The following LRFN2 variants were observed in gnomAD, a reference collection of about 807,000 sequenced individuals.
LRFN2 encodes leucine rich repeat and fibronectin type III domain containing 2.
LRFN2 carries 18 observed loss-of-function variants against 37.3 expected under a neutral mutation model. The ratio of observed to expected loss-of-function variants is 0.48; its 90% confidence interval spans 0.33 to 0.72. The LOEUF is 0.72. Ranked by LOEUF, LRFN2 falls within the 30% of genes least tolerant of loss-of-function variation. The probability of loss-of-function intolerance (pLI) is 0.02; values close to 1 mark genes in which losing one functional copy is unlikely to be tolerated. For missense variants in LRFN2, 1,006 were observed against 1,060.7 expected, an observed-to-expected ratio of 0.95 and a Z score of 0.72; for synonymous variants, 556 against 466.6, an observed-to-expected ratio of 1.19 and a Z score of -2.47.
intron 1 of LRFN2, among the ~76,000 whole-genome samples, chr6:40,518,772 A>G (rs888394835): frequency 6.6e-6 from 1 of 152,206 alleles, no homozygotes; most frequent in African/African-American, 2.4e-5. Flanking sequence ...ATGAAAATGA[A>G]CAGGACATGG....
intron 1 of LRFN2, among the ~76,000 whole-genome samples, chr6:40,506,285 C>G (rs564953059): frequency 1.3e-4 from 20 of 152,226 alleles, no homozygotes; most frequent in African/African-American, 4.8e-4. Context: ...AGAATAAAAA[C>G]CATCCGGGTG....
intron 1 of LRFN2, among the ~76,000 whole-genome samples, chr6:40,452,984 AAG>A (rs1764146618): frequency 6.6e-6 from 1 of 152,230 alleles, no homozygotes; most frequent in African/African-American, 2.4e-5. Context: ...TATGTAAAAT[AAG>A]AGTGACTCTT....
At chr6:40,491,699 T>C (rs1354417280) in intron 1 of LRFN2, among the ~76,000 whole-genome samples, 1 of 147,472 alleles carries the variant, frequency 6.8e-6, no homozygotes, top group Non-Finnish European at 1.5e-5. Flanking sequence ...TCTGAGTGTG[T>C]TTCCCTCACT....
intron 2 of LRFN2, among the ~76,000 whole-genome samples, chr6:40,408,226 G>A (rs1477285193): frequency 6.6e-6 from 1 of 152,134 alleles, no homozygotes; most frequent in East Asian, 1.9e-4. Context: ...AATGGTAAAT[G>A]TTATGTATAT....
chr6:40,584,310 T>C (rs1165909329), intron 1 of LRFN2, among the ~76,000 whole-genome samples: 1 of 152,206 alleles, frequency 6.6e-6, no homozygotes, highest in Admixed American at 6.5e-5. Flanking sequence ...GGGTACATGC[T>C]ATTATTTTAT....
chr6:40,435,050 T>TAGAG (rs1384410748), intron 1 of LRFN2, among the ~76,000 whole-genome samples: 174 of 60,020 alleles, frequency 2.9e-3, no homozygotes, highest in South Asian at 5.2e-3. Context: ...TATATATATA[T>TAGAG]ATAGAGAGAG....
intron 1 of LRFN2, among the ~76,000 whole-genome samples, chr6:40,536,133 G>C (rs1006300992): frequency 6.6e-6 from 1 of 152,142 alleles, no homozygotes; most frequent in African/African-American, 2.4e-5. Context: ...AAGGCTCAGA[G>C]GCTCCTGCCT....
intron 2 of LRFN2, among the ~76,000 whole-genome samples, chr6:40,396,294 G>A (rs2113792959): frequency 6.6e-6 from 1 of 152,284 alleles, no homozygotes; most frequent in African/African-American, 2.4e-5. Flanking sequence ...TGGCAGAGCT[G>A]GGATTTAAAT....
rs796598093 is a variant in LRFN2 at position 40,549,679 on chromosome 6, A to G, written c.-19+37262T>C. ...AGCAAAGATAGGTGGTGGGAACCACAGTGAAACATAAGATTGGGCTCACCA... is the reference window on the plus strand; with the variant it reads ...AGCAAAGATAGGTGGTGGGAACCACGGTGAAACATAAGATTGGGCTCACCA... On this transcript the variant is annotated intron_variant, in intron 1 of 2. Transcript: ENST00000338305. 4.7e-4 allele frequency among the ~76,000 whole-genome samples: 72 copies of G among 152,316 alleles called. 1 individual carries two copies. Among genetic ancestry groups the G allele is most frequent in the African/African-American group, 1.6e-3 (66 of 41,586 alleles).
intron 2 of LRFN2, among the ~76,000 whole-genome samples, chr6:40,422,175 A>AT (rs149059648): frequency 0.038 from 5,729 of 152,200 alleles, 373 homozygotes; most frequent in African/African-American, 0.13. Flanking sequence ...TAGAGAAAAG[A>AT]TTTTTTCTTC....
At chr6:40,458,166 A>T (rs2113848051) in intron 1 of LRFN2, among the ~76,000 whole-genome samples, 1 of 152,346 alleles carries the variant, frequency 6.6e-6, no homozygotes, top group Non-Finnish European at 1.5e-5. Context: ...TTTCTTTAAC[A>T]TGTGGAGAAA....
At chr6:40,529,561 A>T (rs1464003301) in intron 1 of LRFN2, among the ~76,000 whole-genome samples, 1 of 152,216 alleles carries the variant, frequency 6.6e-6, no homozygotes, top group Non-Finnish European at 1.5e-5. Flanking sequence ...GGGCATTCTA[A>T]ACCCAAAATA....
chr6:40,465,018 A>T (rs1186805988), intron 1 of LRFN2, among the ~76,000 whole-genome samples: 1 of 152,226 alleles, frequency 6.6e-6, no homozygotes, highest in Non-Finnish European at 1.5e-5. Context: ...TGTAAAGTAA[A>T]TATTATGCTG....
At chr6:40,517,363 G>A (rs577745884) in intron 1 of LRFN2, 171 of 152,330 alleles carry the variant, frequency 1.1e-3, no homozygotes, top group African/African-American at 3.9e-3. Context: ...CGTGCTGCAA[G>A]ACACAGAAGG....
intron 2 of LRFN2, among the ~76,000 whole-genome samples, chr6:40,417,043 C>A (rs1439132209): frequency 6.6e-6 from 1 of 152,198 alleles, no homozygotes; most frequent in Non-Finnish European, 1.5e-5. Context: ...AGGACAGAAG[C>A]TTCCTTCCAG....
At chr6:40,551,343 G>A (rs1381746658) in intron 1 of LRFN2, among the ~76,000 whole-genome samples, 1 of 152,202 alleles carries the variant, frequency 6.6e-6, no homozygotes, top group Non-Finnish European at 1.5e-5. Context: ...CATGAGGCCA[G>A]GGAGGACGTC....
In LRFN2 at chr6:40,432,191, A is replaced by G; in HGVS notation, c.923T>C (p.Leu308Pro). ...GGGGTCCCCAATGGCTTTGCACTTGAGTGTGGCCGCCTGGCCCTCCAGAAC... is the reference window on the plus strand; with the variant it reads ...GGGGTCCCCAATGGCTTTGCACTTGGGTGTGGCCGCCTGGCCCTCCAGAAC... ...LLVLEGQAATLKCKAIGDPSP... is the reference protein window; with the variant it reads ...LLVLEGQAATPKCKAIGDPSP... The change falls in exon 2 of 3, where the codon CTC (leucine) becomes CCC (proline). Residue 308 changes from leucine (L) to proline (P), a missense_variant. Physicochemically the swap from Leu to Pro is moderately conservative, Grantham distance 98. Coordinates refer to ENST00000338305, the MANE Select transcript of LRFN2 (RefSeq NM_020737.3). 3 of 1,613,764 alleles carry G rather than the reference A, an allele frequency of 1.9e-6. No homozygotes were observed. Among genetic ancestry groups the G allele is most frequent in the Non-Finnish European group, 2.5e-6 (3 of 1,180,022 alleles).
intron 1 of LRFN2, among the ~76,000 whole-genome samples, chr6:40,543,540 G>A (rs1766595672): frequency 1.3e-5 from 2 of 152,246 alleles, no homozygotes; most frequent in South Asian, 4.2e-4. Flanking sequence ...CAAGCTGTGG[G>A]AAAACAAGCC....
chr6:40,482,018 G>A (rs1321361267), intron 1 of LRFN2, among the ~76,000 whole-genome samples: 1 of 152,224 alleles, frequency 6.6e-6, no homozygotes, highest in Non-Finnish European at 1.5e-5. Context: ...GAGGCACAGA[G>A]CAGTTACCAG....
Sources: gnomAD v4.1 joint callset for allele counts (sites outside exome capture counted in the v4.1 genomes callset) on GRCh38, gnomAD v4.1.1 for gene constraint, MANE v1.5 for transcripts, NCBI Gene and HGNC (gene_info 2026-07-23, HGNC 2026-07-21) for gene names.